ADCY9: variants seen among roughly 807,000 people sequenced by gnomAD.
ADCY9 encodes the protein adenylate cyclase 9, also known as adenylate cyclase type 9.
In ADCY9, 50 loss-of-function variants were observed where a neutral mutation model predicts 101.5. The observed-to-expected ratio is 0.49, with a 90% confidence interval of 0.39 to 0.62. The LOEUF (loss-of-function observed/expected upper bound fraction) is 0.62, where lower values mean the gene tolerates loss of function less well. ADCY9 is among the 20% of genes least tolerant of loss of function. The pLI, the probability that ADCY9 is intolerant of heterozygous loss-of-function variation, is 0.00. For missense variants in ADCY9, 1,662 were observed against 1,800.4 expected, an observed-to-expected ratio of 0.92 and a Z score of 1.39; for synonymous variants, 905 against 769.3, an observed-to-expected ratio of 1.18 and a Z score of -2.92.
In ADCY9 at chr16:4,115,431, T is replaced by C. The variant is rs2530898; in HGVS notation, c.12A>G (p.Pro4=). The change falls in exon 2 of 11, where the codon CCA becomes CCG. Residue 4 remains proline, a synonymous_variant. Transcript: ENST00000294016. The surrounding 1 kb of genome is among the most constrained non-coding windows in gnomAD (Gnocchi z 6.2). ...GGTGATGCAGCAGCTGCTGGTGGGG[T>C]GGGGAAGCCATGTTGTCGAGTCCCG... MAS[P]PHQQLLHHHS... 1 allele frequency: 1,552,449 copies of C among 1,552,470 alleles called. 776,214 individuals carry two copies. Among genetic ancestry groups the C allele is most frequent in the Middle Eastern group, 1 (4,340 of 4,340 alleles).
intron 2 of ADCY9, among the ~76,000 whole-genome samples, chr16:4,109,043 T>C (rs535818264): frequency 3.9e-5 from 6 of 152,172 alleles, no homozygotes; most frequent in Non-Finnish European, 8.8e-5. Context: ...CCTAGCAGTA[T>C]GCTAAAAATT....
chr16:4,055,044 G>A (rs2056727919), intron 2 of ADCY9, among the ~76,000 whole-genome samples: 1 of 152,086 alleles, frequency 6.6e-6, no homozygotes, highest in South Asian at 2.1e-4. Context: ...ACTCTGGAAG[G>A]TCAGAAAGAG....
At position 4,021,098 on chromosome 16, in the gene ADCY9, A is replaced by C. The variant is rs1227983535; in HGVS notation, c.1694-13540T>G. The stretch of plus-strand genomic sequence containing the variant: ...TATTTTCTGCTTTTTATATACTATA[A>C]ATTTTACTATGTGAGTTTAAAAAGT... On this transcript the variant is annotated intron_variant, in intron 2 of 10. Coordinates refer to ENST00000294016, the MANE Select transcript of ADCY9 (RefSeq NM_001116.4). Among the ~76,000 whole-genome samples the C allele has an allele frequency of 4.6e-5, 7 of 152,264 alleles. 1 individual carries two copies. Among genetic ancestry groups the C allele is most frequent in the Non-Finnish European group, 8.8e-5 (6 of 68,018 alleles).
chr16:4,115,131 G>A lies in ADCY9; in HGVS notation c.312C>T (p.Cys104=), dbSNP rs371991769. The A allele has an allele frequency of 1.2e-6, 2 of 1,613,724 alleles. No homozygotes were observed. Among genetic ancestry groups the A allele is most frequent in the African/African-American group, 2.7e-5 (2 of 74,958 alleles). Residue 104 remains cysteine, a synonymous_variant, in exon 2 of 11, where the codon TGC becomes TGT. Transcript: ENST00000294016. This position sits in a 1 kb window ranked among gnomAD's most constrained non-coding sequence, Gnocchi z 6.2. ...KFDSVNLEEA[C]LERCFPQTQR... ...GGGTCTGCGGGAAGCAGCGCTCCAGGCAGGCCTCCTCCAGGTTCACCGAGT... is the reference window on the plus strand; with the variant it reads ...GGGTCTGCGGGAAGCAGCGCTCCAGACAGGCCTCCTCCAGGTTCACCGAGT...
chr16:4,009,656 C>A (rs1408590441), intron 2 of ADCY9, among the ~76,000 whole-genome samples: 1 of 152,230 alleles, frequency 6.6e-6, no homozygotes, highest in Admixed American at 6.5e-5. Flanking sequence ...TCAATCACGA[C>A]TGTAACATGT....
chr16:4,002,274 A>C (rs2056336145), intron 3 of ADCY9, among the ~76,000 whole-genome samples: 1 of 152,148 alleles, frequency 6.6e-6, no homozygotes, highest in Admixed American at 6.5e-5. Flanking sequence ...CATTTTTTCA[A>C]TTTCTATAAC....
intron 2 of ADCY9, among the ~76,000 whole-genome samples, chr16:4,113,033 C>T (rs967095734): frequency 5.3e-5 from 8 of 151,982 alleles, no homozygotes; most frequent in Non-Finnish European, 7.4e-5. Flanking sequence ...ACCAGCTCTC[C>T]GGCAGGTACG....
intron 2 of ADCY9, among the ~76,000 whole-genome samples, chr16:4,022,870 C>T (rs1230047273): frequency 2.6e-5 from 4 of 152,174 alleles, no homozygotes; most frequent in Non-Finnish European, 5.9e-5. Flanking sequence ...TCTTTCAACA[C>T]ATAATAAGCT....
At chr16:4,004,251 T>TAAAAAA (rs71133681) in intron 3 of ADCY9, among the ~76,000 whole-genome samples, 28 of 107,636 alleles carry the variant, frequency 2.6e-4, no homozygotes, top group East Asian at 5.8e-4. Context: ...CCCATCTCTT[T>TAAAAAA]AAAAAAAAAA....
At chr16:4,024,244 A>G (rs2056498335) in intron 2 of ADCY9, among the ~76,000 whole-genome samples, 1 of 151,984 alleles carries the variant, frequency 6.6e-6, no homozygotes, top group African/African-American at 2.4e-5. Flanking sequence ...GCTCGTCTCA[A>G]AGTCCTGACC....
At position 3,979,232 on chromosome 16, in the gene ADCY9, G is replaced by A; in HGVS notation, c.2563C>T (p.Leu855=). Residue 855 remains leucine, a synonymous_variant, in exon 8 of 11, where the codon CTG becomes TTG. Transcript: ENST00000294016. Reference sequence around the variant, plus strand: ...AGCCAGCCGGCGATCCACTCCAGCAGGCGCTTGGTGCAGGCCATGACGTCC... The same window carrying A: ...AGCCAGCCGGCGATCCACTCCAGCAAGCGCTTGGTGCAGGCCATGACGTCC... ...LEDVMACTKR[L]LEWIAGWLPR... The A allele has an allele frequency of 6.2e-7, 1 of 1,614,076 alleles. No homozygotes were observed. Among genetic ancestry groups the A allele is most frequent in the Non-Finnish European group, 8.5e-7 (1 of 1,180,006 alleles).
chr16:4,005,749 C>T (rs140756876), intron 3 of ADCY9, among the ~76,000 whole-genome samples: 69 of 152,282 alleles, frequency 4.5e-4, no homozygotes, highest in Non-Finnish European at 8.1e-4. Flanking sequence ...CATCCCCTAA[C>T]GGACAGAAAC....
At chr16:4,099,838 G>A (rs1038859945) in intron 2 of ADCY9, among the ~76,000 whole-genome samples, 1 of 152,208 alleles carries the variant, frequency 6.6e-6, no homozygotes. Flanking sequence ...GATGGCTTGA[G>A]CCCAGGAGTT....
At chr16:4,089,135 G>GGCTGGAGTGCAGTGGC (rs60051660) in intron 2 of ADCY9, among the ~76,000 whole-genome samples, 46,770 of 151,080 alleles carry the variant, frequency 0.31, 8,141 homozygotes, top group East Asian at 0.51. Context: ...CTGTCACCCA[G>GGCTGGAGTGCAGTGGC]GCAATCTCAG....
At chr16:4,059,945 T>G (rs1433407605) in intron 2 of ADCY9, among the ~76,000 whole-genome samples, 2 of 152,130 alleles carry the variant, frequency 1.3e-5, no homozygotes, top group East Asian at 3.9e-4. Context: ...AATCTTGAGT[T>G]AGAGCGGTGG....
At chr16:4,075,195 G>C (rs1319035835) in intron 2 of ADCY9, among the ~76,000 whole-genome samples, 1 of 152,140 alleles carries the variant, frequency 6.6e-6, no homozygotes, top group African/African-American at 2.4e-5. Context: ...ATGGAGTGCA[G>C]TGGCACCATC....
chr16:3,989,523 C>T (rs562827987), intron 5 of ADCY9, among the ~76,000 whole-genome samples: 32 of 152,216 alleles, frequency 2.1e-4, no homozygotes, highest in African/African-American at 5.5e-4. Flanking sequence ...GGATTACAGG[C>T]GCCTGCCACC....
chr16:4,029,827 C>A (rs2056542859), intron 2 of ADCY9, among the ~76,000 whole-genome samples: 1 of 152,146 alleles, frequency 6.6e-6, no homozygotes, highest in African/African-American at 2.4e-5. Flanking sequence ...TGTAAGAAAG[C>A]TGAACAGGCA....
At chr16:3,959,104 T>C (rs1445335729), downstream of ADCY9, among the ~76,000 whole-genome samples, 1 of 152,118 alleles carries the variant, frequency 6.6e-6, no homozygotes, top group African/African-American at 2.4e-5. Flanking sequence ...CTCACATCTG[T>C]AATCCCAGCA....
Sources: gnomAD v4.1 joint callset for allele counts (sites outside exome capture counted in the v4.1 genomes callset) on GRCh38, gnomAD v4.1.1 for gene constraint, Gnocchi (gnomAD v3.1) non-coding constraint, MANE v1.5 for transcripts, NCBI Gene and HGNC (gene_info 2026-07-23, HGNC 2026-07-21) for gene names.